The following PIGN variants were observed in gnomAD, a reference collection of about 807,000 sequenced individuals.
PIGN encodes the protein phosphatidylinositol glycan anchor biosynthesis class N, also known as GPI ethanolamine phosphate transferase 1.
PIGN carries 117 observed loss-of-function variants against 125.4 expected under a neutral mutation model. The ratio of observed to expected loss-of-function variants is 0.93; its 90% confidence interval spans 0.80 to 1.09. PIGN has a LOEUF of 1.09. Among genes scored for constraint, PIGN ranks in the 50% least tolerant of loss-of-function variants. The pLI is 0.00. For synonymous variants in PIGN, 392 were observed against 377.8 expected, an observed-to-expected ratio of 1.04 and a Z score of -0.44; for missense variants, 1,075 against 1,094.9, an observed-to-expected ratio of 0.98 and a Z score of 0.26.
At chr18:62,166,137 G>A (rs1020792555) in intron 1 of PIGN, among the ~76,000 whole-genome samples, 33 of 152,196 alleles carry the variant, frequency 2.2e-4, no homozygotes, top group African/African-American at 7.5e-4. Flanking sequence ...GGAATGGAGA[G>A]CACAAGTGGA....
At chr18:62,097,566 A>G (rs1369939865) in intron 22 of PIGN, among the ~76,000 whole-genome samples, 2 of 151,942 alleles carry the variant, frequency 1.3e-5, no homozygotes, top group African/African-American at 4.8e-5. Context: ...CAGCCATCCC[A>G]TTACTGGGTA....
At chr18:62,171,755 T>C (rs903163933) in intron 1 of PIGN, among the ~76,000 whole-genome samples, 1 of 152,210 alleles carries the variant, frequency 6.6e-6, no homozygotes, top group Admixed American at 6.5e-5. Context: ...TTTTGGCCTG[T>C]TAATGTGGTG....
chr18:62,081,731 A>T (rs1377980862), intron 28 of PIGN, among the ~76,000 whole-genome samples: 1 of 152,156 alleles, frequency 6.6e-6, no homozygotes, highest in African/African-American at 2.4e-5. Flanking sequence ...ACCAGTTTTT[A>T]TTGCATCTAA....
chr18:62,166,081 T>C (rs1350816701), intron 1 of PIGN, among the ~76,000 whole-genome samples: 1 of 152,144 alleles, frequency 6.6e-6, no homozygotes, highest in African/African-American at 2.4e-5. Flanking sequence ...ATATGAATGA[T>C]GCAGCAGAAA....
Position 62,095,940 on chromosome 18 carries a change from C to A in PIGN, c.2088G>T (p.Leu696Phe), listed in dbSNP as rs764255726. The A allele has an allele frequency of 6.2e-7, 1 of 1,607,504 alleles. No individual in the cohort carries two copies. Among genetic ancestry groups the A allele is most frequent in the Non-Finnish European group, 8.5e-7 (1 of 1,174,596 alleles). Residue 696 changes from leucine to phenylalanine, a missense_variant, in exon 23 of 31, where the codon TTG becomes TTT. By Grantham distance (22) the Leu-to-Phe change is conservative (BLOSUM62 0). This residue lies in a region of PIGN where 915 missense variants were observed against 908.7 expected (regional missense o/e 1.01). Transcript: ENST00000640252. ...CTGGAGAACTCAGTAGTGGCACAAC[C>A]AAGGAAGAGGCTGCAATGAAACAGA... ...IISWATLASS[L>F]VVPLLSSPVL...
chr18:62,184,447 T>G (rs563581816), intron 1 of PIGN: 35 of 152,290 alleles, frequency 2.3e-4, no homozygotes, highest in Admixed American at 5.2e-4. Flanking sequence ...TTTTTAATAT[T>G]CCAGTGTGTG....
At chr18:62,141,167 C>G (rs1276209226) in intron 11 of PIGN, among the ~76,000 whole-genome samples, 1 of 152,164 alleles carries the variant, frequency 6.6e-6, no homozygotes, top group Non-Finnish European at 1.5e-5. Flanking sequence ...TATAATTTTT[C>G]AGGCAATAAA....
chr18:62,172,646 A>C, intron 1 of PIGN, among the ~76,000 whole-genome samples: 1 of 152,188 alleles, frequency 6.6e-6, no homozygotes, highest in South Asian at 2.1e-4. Context: ...TTGCATTTAC[A>C]AATAACTCCC....
At position 62,114,618 on chromosome 18, in the gene PIGN, C is replaced by A; in HGVS notation, c.1194G>T (p.Gln398His). Residue 398 changes from glutamine (Q) to histidine (H), a missense_variant, in exon 15 of 31, where the codon CAG becomes CAT. Around this residue, in one of 3 missense-constraint regions of PIGN, gnomAD observed 915 missense variants for 908.7 expected, o/e 1.01. Transcript: ENST00000640252. ...TPFKLLSDSK[Q>H]FNILRKARSY... ...ATCTTGCTTTTCTTAAAATGTTGAA[C>A]TGTTTGGAATCAGAAAGCAGTCTAT... 6.6e-7 allele frequency: 1 copy of A among 1,515,478 alleles called. No homozygotes were observed. Among genetic ancestry groups the A allele is most frequent in the Non-Finnish European group, 9.0e-7 (1 of 1,115,422 alleles). 93.9% of individuals were successfully genotyped at this position (1,515,478 alleles called of 1,614,324 possible).
chr18:62,071,200 AC>A (rs2032826585), intron 30 of PIGN, among the ~76,000 whole-genome samples: 1 of 152,184 alleles, frequency 6.6e-6, no homozygotes, highest in African/African-American at 2.4e-5. Context: ...AATTTAAACC[AC>A]CATATAAAAT....
At chr18:62,165,026 G>T (rs747506664) in intron 1 of PIGN, among the ~76,000 whole-genome samples, 3 of 152,158 alleles carry the variant, frequency 2.0e-5, no homozygotes, top group Admixed American at 2.0e-4. Flanking sequence ...GCTGTGATGG[G>T]AGGTGGAGCC....
rs1359611690 is a variant in PIGN, at chr18:62,107,089, T to C, written c.1575-4A>G. The stretch of plus-strand genomic sequence containing the variant: ...AAGGTCCTGAATAACTTGAAATCTG[T>C]TTCAAATAAAAAGACTGATTGAATT... On this transcript the variant is annotated splice_polypyrimidine_tract_variant and splice_region_variant and intron_variant, in intron 17 of 30. Coordinates refer to ENST00000640252, the MANE Select transcript of PIGN (RefSeq NM_176787.5). 21 of 1,550,468 alleles carry C rather than the reference T, an allele frequency of 1.4e-5. No homozygotes were observed. Among genetic ancestry groups the C allele is most frequent in the Non-Finnish European group, 1.8e-5 (20 of 1,140,316 alleles).
In PIGN at chr18:62,064,431, T is replaced by TGG. The variant is rs1356762392; in HGVS notation, c.2672+8240_2672+8241dup. The stretch of plus-strand genomic sequence containing the variant: ...TTAAGGCTGGCAGTCCATTCATCTC[T>TGG]GGGTACTTGACAATGTCTGGGAATG... On this transcript the variant is annotated intron_variant, in intron 30 of 30. Coordinates refer to ENST00000640252, the MANE Select transcript of PIGN (RefSeq NM_176787.5). Among the ~76,000 whole-genome samples, 3 of 152,224 alleles carry TGG rather than the reference T, an allele frequency of 2.0e-5. No homozygotes were observed. In the East Asian group the frequency reaches 5.8e-4, roughly 29 times the overall value.
At chr18:62,033,298 A>C (rs2030217485) in intron 23 of PIGN, among the ~76,000 whole-genome samples, 1 of 152,182 alleles carries the variant, frequency 6.6e-6, no homozygotes, top group Non-Finnish European at 1.5e-5. Flanking sequence ...GTCTACATAA[A>C]ATCACTGGAT....
At chr18:62,119,987 T>C (rs2035238352) in intron 14 of PIGN, among the ~76,000 whole-genome samples, 1 of 152,122 alleles carries the variant, frequency 6.6e-6, no homozygotes, top group Non-Finnish European at 1.5e-5. Flanking sequence ...CTAATATGAA[T>C]GTAATTGGAA....
intron 4 of PIGN, among the ~76,000 whole-genome samples, chr18:62,159,206 T>C (rs2036852039): frequency 6.6e-6 from 1 of 152,198 alleles, no homozygotes; most frequent in African/African-American, 2.4e-5. Flanking sequence ...ATTGCACCAT[T>C]GCACTCCAGC....
chr18:62,171,878 T>C (rs2037356342), intron 1 of PIGN, among the ~76,000 whole-genome samples: 1 of 152,172 alleles, frequency 6.6e-6, no homozygotes, highest in African/African-American at 2.4e-5. Flanking sequence ...AGTTAAAATT[T>C]TACCATTTTT....
intron 23 of PIGN, among the ~76,000 whole-genome samples, chr18:62,026,074 T>C (rs1484708783): frequency 6.6e-6 from 1 of 152,226 alleles, no homozygotes; most frequent in African/African-American, 2.4e-5. Flanking sequence ...GACACATTTA[T>C]TTGTAATATC....
chr18:62,167,456 A>AC (rs1838354526), intron 1 of PIGN, among the ~76,000 whole-genome samples: 1 of 150,886 alleles, frequency 6.6e-6, no homozygotes, highest in South Asian at 2.1e-4. Flanking sequence ...ACCTGGTGAA[A>AC]CCCCATCTCT....
Sources: allele counts gnomAD v4.1 joint callset (sites outside exome capture counted in the v4.1 genomes callset), GRCh38; gene constraint gnomAD v4.1.1; regional missense constraint gnomAD v4.1.1; transcripts MANE v1.5; gene names NCBI Gene and HGNC (gene_info 2026-07-23, HGNC 2026-07-21).